Variants in GALNT14 observed in about 807,000 individuals in gnomAD.
GALNT14 encodes polypeptide N-acetylgalactosaminyltransferase 14.
GALNT14 carries 60 observed loss-of-function variants against 77.5 expected under a neutral mutation model. The ratio of observed to expected loss-of-function variants is 0.77; its 90% CI spans 0.63 to 0.96. GALNT14 has a LOEUF of 0.96. Ranked by LOEUF, GALNT14 falls within the 40% of genes least tolerant of loss-of-function variation. The probability of loss-of-function intolerance (pLI) is 0.00; values close to 1 mark genes in which losing one functional copy is unlikely to be tolerated. For missense variants in GALNT14, 710 were observed against 731.0 expected, an observed-to-expected ratio of 0.97 and a Z score of 0.33; for synonymous variants, 280 against 281.7, an observed-to-expected ratio of 0.99 and a Z score of 0.06.
At chr2:30,902,442 C>G in the GALNT14 span, among the ~76,000 whole-genome samples, 3 of 152,250 alleles carry the variant, frequency 2.0e-5, no homozygotes, top group South Asian at 4.1e-4. Context: ...GCAGACTACC[C>G]TCCACATCCT....
intron 1 of GALNT14, among the ~76,000 whole-genome samples, chr2:31,039,034 G>T (rs368590332): frequency 9.2e-5 from 14 of 152,108 alleles, no homozygotes; most frequent in Admixed American, 6.5e-4. Flanking sequence ...GTGAGCCACC[G>T]TGCCCAGCCA....
At chr2:31,078,828 G>T in intron 1 of GALNT14, 1 of 976,302 alleles carries the variant, frequency 1.0e-6, no homozygotes, top group Non-Finnish European at 1.4e-6. Flanking sequence ...CAAGGGGCGA[G>T]ATATAGGCCT....
At chr2:31,016,330 T>C (rs1206202933) in intron 1 of GALNT14, among the ~76,000 whole-genome samples, 2 of 152,150 alleles carry the variant, frequency 1.3e-5, no homozygotes, top group East Asian at 1.9e-4. Flanking sequence ...TATGCCAACC[T>C]TGATTACCTC....
intron 13 of GALNT14, among the ~76,000 whole-genome samples, chr2:30,920,260 T>C (rs1440578086): frequency 6.6e-6 from 1 of 152,238 alleles, no homozygotes; most frequent in Non-Finnish European, 1.5e-5. Context: ...TTTCATTGTT[T>C]TGGCCTCGGC....
At chr2:31,130,877 C>T (rs1368266844) in intron 1 of GALNT14, among the ~76,000 whole-genome samples, 2 of 151,954 alleles carry the variant, frequency 1.3e-5, no homozygotes, top group Admixed American at 1.3e-4. Flanking sequence ...AGCTCAACAT[C>T]TGAGGACTGA....
chr2:30,888,618 C>A, the GALNT14 span, among the ~76,000 whole-genome samples: 1 of 152,002 alleles, frequency 6.6e-6, no homozygotes, highest in Non-Finnish European at 1.5e-5. Flanking sequence ...TCATTGTTTT[C>A]CTAGATGTAG....
At chr2:31,075,377 T>A (rs1405158601) in intron 1 of GALNT14, among the ~76,000 whole-genome samples, 3 of 152,252 alleles carry the variant, frequency 2.0e-5, no homozygotes, top group Non-Finnish European at 4.4e-5. Flanking sequence ...ACATCTTTCA[T>A]ATGCAAATGT....
chr2:30,998,458 C>G (rs6753235), intron 1 of GALNT14, among the ~76,000 whole-genome samples: 3,331 of 152,218 alleles, frequency 0.022, 105 homozygotes, highest in African/African-American at 0.067. Flanking sequence ...TTCTCTCTTA[C>G]TGTCCCAATT....
chr2:31,080,125 C>T (rs1390974401), intron 1 of GALNT14, among the ~76,000 whole-genome samples: 1 of 152,140 alleles, frequency 6.6e-6, no homozygotes, highest in Non-Finnish European at 1.5e-5. Context: ...TGAAACAGGA[C>T]AAAGAAAAGC....
intron 1 of GALNT14, among the ~76,000 whole-genome samples, chr2:30,993,254 T>A (rs886830570): frequency 2.0e-5 from 3 of 152,230 alleles, no homozygotes; most frequent in Admixed American, 1.3e-4. Flanking sequence ...TTGACTCACA[T>A]TACTTCATGT....
At chr2:31,074,809 G>C (rs1675656749) in intron 1 of GALNT14, among the ~76,000 whole-genome samples, 1 of 152,120 alleles carries the variant, frequency 6.6e-6, no homozygotes, top group South Asian at 2.1e-4. Flanking sequence ...AGACTTAAGA[G>C]GTAGAGACAC....
At chr2:30,908,404 T>C (rs1358390821), downstream of GALNT14, among the ~76,000 whole-genome samples, 2 of 148,936 alleles carry the variant, frequency 1.3e-5, no homozygotes, top group African/African-American at 2.5e-5. Flanking sequence ...AGCATTCTTA[T>C]ACACCAATAA....
intron 1 of GALNT14, among the ~76,000 whole-genome samples, chr2:31,010,931 A>T (rs1475167858): frequency 6.6e-6 from 1 of 152,224 alleles, no homozygotes; most frequent in African/African-American, 2.4e-5. Context: ...CCTACAAAAA[A>T]CTTTCAATGG....
chr2:31,095,433 G>T (rs143250221), intron 1 of GALNT14, among the ~76,000 whole-genome samples: 1 of 152,022 alleles, frequency 6.6e-6, no homozygotes, highest in East Asian at 1.9e-4. Flanking sequence ...TCCCCCAAAG[G>T]GTCATATGCC....
At chr2:30,894,027 G>GCGAAAAGGAAAGAGAACAGGGGC in the GALNT14 span, among the ~76,000 whole-genome samples, 4 of 152,088 alleles carry the variant, frequency 2.6e-5, no homozygotes, top group African/African-American at 9.7e-5. Flanking sequence ...AACTTTCTAG[G>GCGAAAAGGAAAGAGAACAGGGGC]CGAAAAGGAA....
At chr2:30,927,931 T>C (rs982392763) in intron 11 of GALNT14, among the ~76,000 whole-genome samples, 1 of 152,134 alleles carries the variant, frequency 6.6e-6, no homozygotes, top group African/African-American at 2.4e-5. Flanking sequence ...GTCAGATTCA[T>C]CCAAGGTTGA....
At chr2:31,136,608 T>G (rs1679238531) in intron 1 of GALNT14, among the ~76,000 whole-genome samples, 1 of 152,156 alleles carries the variant, frequency 6.6e-6, no homozygotes, top group African/African-American at 2.4e-5. Flanking sequence ...CAATAGGTGC[T>G]AAATAAATGC....
intron 1 of GALNT14, among the ~76,000 whole-genome samples, chr2:31,033,563 T>C (rs1331296133): frequency 6.6e-6 from 1 of 152,184 alleles, no homozygotes; most frequent in Admixed American, 6.5e-5. Flanking sequence ...TACCTCCCCA[T>C]CCCAAGACTG....
chr2:31,041,871 T>C (rs879482221), intron 1 of GALNT14, among the ~76,000 whole-genome samples: 5 of 152,080 alleles, frequency 3.3e-5, no homozygotes, highest in South Asian at 2.1e-4. Flanking sequence ...CATTCACAGA[T>C]GTGAAGCAGA....
Sources: gnomAD v4.1 joint callset for allele counts (sites outside exome capture counted in the v4.1 genomes callset) on GRCh38, gnomAD v4.1.1 for gene constraint, MANE v1.5 for transcripts, NCBI Gene and HGNC (gene_info 2026-07-23, HGNC 2026-07-21) for gene names.